The following CALN1 variants were observed in gnomAD, a reference collection of about 807,000 sequenced individuals.
The protein encoded by CALN1 is calneuron 1, also known as calcium-binding protein 8.
In CALN1, 17 loss-of-function variants were observed where a neutral mutation model predicts 30.6. That is an observed-to-expected ratio of 0.56 (90% confidence interval 0.38 to 0.83). CALN1 has a LOEUF of 0.83. Ranked by LOEUF, CALN1 falls within the 40% of genes least tolerant of loss-of-function variation. The pLI, the probability that CALN1 is intolerant of heterozygous loss-of-function variation, is 0.00. For missense variants in CALN1, 291 were observed against 354.9 expected, an observed-to-expected ratio of 0.82 and a Z score of 1.45; for synonymous variants, 156 against 131.4, an observed-to-expected ratio of 1.19 and a Z score of -1.28.
At chr7:72,024,683 GCCA>G (rs1800937088) in intron 4 of CALN1, among the ~76,000 whole-genome samples, 1 of 152,176 alleles carries the variant, frequency 6.6e-6, no homozygotes, top group Non-Finnish European at 1.5e-5. Context: ...ACAGGAGTGA[GCCA>G]CCATGCCCGG....
chr7:72,039,238 G>C (rs1801980413), intron 4 of CALN1, among the ~76,000 whole-genome samples: 1 of 152,198 alleles, frequency 6.6e-6, no homozygotes, highest in African/African-American at 2.4e-5. Context: ...CAAGAGCAAA[G>C]GAAGGAAAGG....
At chr7:72,294,311 A>G (rs1798697540) in intron 2 of CALN1, among the ~76,000 whole-genome samples, 1 of 152,168 alleles carries the variant, frequency 6.6e-6, no homozygotes, top group Non-Finnish European at 1.5e-5. Context: ...AATTCAAACT[A>G]AAAAACATTG....
rs939154077 is a variant in CALN1, at chr7:72,256,357, G to A, written c.244+22329C>T. Among the ~76,000 whole-genome samples the A allele has an allele frequency of 2.0e-5, 3 of 152,254 alleles. No homozygotes were observed. In the East Asian group the frequency reaches 5.8e-4, roughly 30 times the overall value. The stretch of plus-strand genomic sequence containing the variant: ...GGCCTGTGGTCCCAGCTACTTGGGA[G>A]GCTGAGGTAGGAAGATCACTTGAGC... On this transcript the variant is annotated intron_variant, in intron 3 of 6. Transcript: ENST00000395275.
intron 4 of CALN1, among the ~76,000 whole-genome samples, chr7:72,085,245 T>G (rs1805407101): frequency 6.6e-6 from 1 of 152,120 alleles, no homozygotes; most frequent in Admixed American, 6.6e-5. Context: ...GAGGCTGAGG[T>G]GCAAGGATTG....
At chr7:72,424,469 G>C (rs901253148) in intron 1 of CALN1, among the ~76,000 whole-genome samples, 4 of 152,066 alleles carry the variant, frequency 2.6e-5, no homozygotes, top group African/African-American at 9.7e-5. Context: ...TGAATTTTAG[G>C]CACACTAAAC....
rs118034913 is a variant in CALN1 at position 72,008,289 on chromosome 7, A to G, written c.501+15368T>C. ...AAGGTATTCAGTAACATTCTCCCAA[A>G]TAACTATTGAGTGAATGAAAATATT... is the stretch of plus-strand genomic sequence containing the variant. On this transcript the variant is annotated intron_variant, in intron 5 of 6. Transcript: ENST00000395275. Among the ~76,000 whole-genome samples the G allele has an allele frequency of 2.6e-3, 389 of 152,276 alleles. 1 individual carries two copies. Among genetic ancestry groups the G allele is most frequent in the Non-Finnish European group, 4.6e-3 (316 of 68,016 alleles).
At chr7:72,336,194 A>G (rs1463537524) in intron 2 of CALN1, among the ~76,000 whole-genome samples, 1 of 151,522 alleles carries the variant, frequency 6.6e-6, no homozygotes, top group Admixed American at 6.6e-5. Flanking sequence ...GGTGGAGAGA[A>G]CCCTGCCTCC....
chr7:72,312,178 A>T (rs1290347329), intron 2 of CALN1, among the ~76,000 whole-genome samples: 3 of 152,116 alleles, frequency 2.0e-5, no homozygotes, highest in African/African-American at 7.2e-5. Context: ...CTGAGGCCAG[A>T]GTATCACTTG....
At chr7:71,806,864 T>C (rs1337048116) in intron 6 of CALN1, among the ~76,000 whole-genome samples, 1 of 152,282 alleles carries the variant, frequency 6.6e-6, no homozygotes, top group Non-Finnish European at 1.5e-5. Context: ...GGGAATGGAT[T>C]TGAGGGTTCC....
chr7:72,162,450 T>C (rs1271635812), intron 3 of CALN1, among the ~76,000 whole-genome samples: 5 of 151,910 alleles, frequency 3.3e-5, no homozygotes, highest in African/African-American at 9.7e-5. Context: ...AGAGGATATA[T>C]GGGCCAGGCA....
At chr7:72,163,693 T>C (rs536135052) in intron 3 of CALN1, among the ~76,000 whole-genome samples, 1 of 152,118 alleles carries the variant, frequency 6.6e-6, no homozygotes, top group South Asian at 2.1e-4. Context: ...GGCAGAAGAA[T>C]CAACGAATTT....
intron 3 of CALN1, among the ~76,000 whole-genome samples, chr7:72,278,026 T>C (rs1797467132): frequency 7.4e-6 from 1 of 135,094 alleles, no homozygotes; most frequent in African/African-American, 2.7e-5. Context: ...GGGGACTTGT[T>C]TTTCCTATTT....
Position 72,403,406 on chromosome 7 carries a change from A to G in CALN1, c.-37T>C. 1 of 1,496,712 alleles carries G rather than the reference A, an allele frequency of 6.7e-7. No individual in the cohort carries two copies. Among genetic ancestry groups the G allele is most frequent in the East Asian group, 2.5e-5 (1 of 40,522 alleles). 92.7% of individuals were successfully genotyped at this position (1,496,712 alleles called of 1,614,324 possible). A position where few individuals can be genotyped will look rare whatever the true frequency, so the allele number is the denominator to read the frequency against. The stretch of plus-strand genomic sequence containing the variant: ...GGCGATGTTCTCAGAGAGAGTTAGA[A>G]GCTCATCAAAGGAACGTCAGCGAAG... On this transcript the variant is annotated 5_prime_UTR_variant, in exon 2 of 7. Transcript: ENST00000395275.
chr7:72,019,798 CTAAG>C (rs1472008144), intron 5 of CALN1, among the ~76,000 whole-genome samples: 1 of 152,178 alleles, frequency 6.6e-6, no homozygotes, highest in African/African-American at 2.4e-5. Flanking sequence ...CCCACAGAAA[CTAAG>C]TGAGATAGAA....
At chr7:72,136,178 G>GT (rs1340225646) in intron 3 of CALN1, among the ~76,000 whole-genome samples, 3 of 77,510 alleles carry the variant, frequency 3.9e-5, no homozygotes, top group Non-Finnish European at 7.6e-5. Context: ...TAAAGGGCTG[G>GT]TTTTTTCTGC....
At chr7:71,806,685 A>G (rs1219102123) in intron 6 of CALN1, among the ~76,000 whole-genome samples, 1 of 152,122 alleles carries the variant, frequency 6.6e-6, no homozygotes, top group African/African-American at 2.4e-5. Context: ...GGTTCTGCAT[A>G]TCAATGAGAC....
At chr7:72,177,058 G>A (rs1202193737) in intron 3 of CALN1, among the ~76,000 whole-genome samples, 3 of 152,096 alleles carry the variant, frequency 2.0e-5, no homozygotes, top group South Asian at 2.1e-4. Flanking sequence ...CATAGCCTTC[G>A]TCTCCTGCTG....
chr7:72,297,235 T>G (rs1798928065), intron 2 of CALN1, among the ~76,000 whole-genome samples: 1 of 152,126 alleles, frequency 6.6e-6, no homozygotes, highest in Admixed American at 6.5e-5. Flanking sequence ...TTCTCTTTTA[T>G]CTTAAAGAGG....
chr7:72,083,513 G>A (rs73124365), intron 4 of CALN1, among the ~76,000 whole-genome samples: 36,093 of 152,000 alleles, frequency 0.24, 4,303 homozygotes, highest in Admixed American at 0.29. Context: ...GAGCCCAGGA[G>A]CTTGAGGCTG....
Sources: gnomAD v4.1 joint callset for allele counts (sites outside exome capture counted in the v4.1 genomes callset) on GRCh38, gnomAD v4.1.1 for gene constraint, MANE v1.5 for transcripts, NCBI Gene and HGNC (gene_info 2026-07-23, HGNC 2026-07-21) for gene names.